The following NSL1 variants were observed in gnomAD, a reference collection of about 807,000 sequenced individuals.
NSL1 encodes NSL1 component of MIS12 kinetochore complex.
A neutral mutation model predicts 25.4 loss-of-function variants in NSL1; 11 were observed. That is an observed-to-expected ratio of 0.43 (90% CI 0.27 to 0.72). The LOEUF is 0.72. Ranked by LOEUF, NSL1 falls within the 30% of genes least tolerant of loss-of-function variation. The pLI is 0.19. For missense variants in NSL1, 330 were observed against 342.7 expected (o/e 0.96, Z 0.29); for synonymous variants, 118 against 120.6 (o/e 0.98, Z 0.14).
intron 1 of NSL1, among the ~76,000 whole-genome samples, chr1:212,791,206 A>G (rs1030499627): frequency 1.3e-5 from 2 of 152,244 alleles, no homozygotes; most frequent in Admixed American, 6.5e-5. Flanking sequence ...ATATTATTAC[A>G]TGTTAAAATA....
intron 4 of NSL1, among the ~76,000 whole-genome samples, chr1:212,778,345 C>T (rs1178643792): frequency 6.6e-6 from 1 of 152,206 alleles, no homozygotes; most frequent in Non-Finnish European, 1.5e-5. Flanking sequence ...GTTATACACA[C>T]TGCCTAGTTT....
intron 4 of NSL1, among the ~76,000 whole-genome samples, chr1:212,751,641 CT>C (rs925291362): frequency 5.3e-5 from 8 of 152,036 alleles, no homozygotes; most frequent in Non-Finnish European, 1.0e-4. Flanking sequence ...TTTATGGTAC[CT>C]TTTTTTCTTT....
rs200591774 is a variant in NSL1 at position 212,791,757 on chromosome 1, C to T, written c.7G>A (p.Gly3Arg). 5.6e-4 allele frequency: 899 copies of T among 1,604,906 alleles called. 1 individual carries two copies. The highest frequency in any genetic ancestry group is 7.1e-4 in the Non-Finnish European group (839 of 1,174,292). Reference sequence around the variant, plus strand: ...TCAAGGACCACCAACTCAGGAGACCCCGCCATTTTTCGTCGGAACTGTGGG... The same window carrying T: ...TCAAGGACCACCAACTCAGGAGACCTCGCCATTTTTCGTCGGAACTGTGGG... MA[G>R]SPELVVLDPP... Residue 3 changes from glycine to arginine, a missense_variant, in exon 1 of 6, where the codon GGG becomes AGG. Coordinates refer to ENST00000366977, the MANE Select transcript of NSL1 (RefSeq NM_015471.4).
Position 212,732,028 on chromosome 1 carries a change from A to T in NSL1, c.*6380T>A, listed in dbSNP as rs1363026227. ...TTAGCCTCCCAGTGTAACTGTCCCA[A>T]TTTTTTTTTTTTTTTTTTACTGAAT... On this transcript the variant is annotated 3_prime_UTR_variant, in exon 6 of 6. Coordinates refer to ENST00000366977, the MANE Select transcript of NSL1 (RefSeq NM_015471.4). 1.4e-5 allele frequency: 13 copies of T among 930,774 alleles called. No individual in the cohort carries two copies. Among genetic ancestry groups the T allele is most frequent in the Admixed American group, 6.6e-5 (1 of 15,126 alleles). 57.7% of individuals were successfully genotyped at this position (930,774 alleles called of 1,614,324 possible).
rs1178210486 is a variant in NSL1 at position 212,734,568 on chromosome 1, G to A, written c.*3840C>T. Among the ~76,000 whole-genome samples the A allele has an allele frequency of 1.3e-5, 2 of 152,128 alleles. No individual in the cohort carries two copies. Among genetic ancestry groups the A allele is most frequent in the Non-Finnish European group, 2.9e-5 (2 of 68,028 alleles). On this transcript the variant is annotated 3_prime_UTR_variant, in exon 6 of 6. Coordinates refer to ENST00000366977, the MANE Select transcript of NSL1 (RefSeq NM_015471.4). ...AGTTAATATCTCCCCTCTCCCCAGA[G>A]GGAACCACCATGGCTTAGTTTTGCC... is the stretch of plus-strand genomic sequence containing the variant.
In NSL1 at chr1:212,730,977, TG is replaced by T; in HGVS notation, c.*7430del. On this transcript the variant is annotated 3_prime_UTR_variant, in exon 6 of 6. Transcript: ENST00000366977. ...TCAACGAATATTAGTTTACAGCCCA[TG>T]GGCAAAGTATGAGCAATGTAGAGAC... 4 of 985,404 alleles carry T rather than the reference TG, an allele frequency of 4.1e-6. No individual in the cohort carries two copies. Among genetic ancestry groups the T allele is most frequent in the Non-Finnish European group, 4.8e-6 (4 of 829,902 alleles). The allele number at this position is 985,404 out of a possible 1,614,324, so 61.0% of individuals were successfully genotyped here. A position where few individuals can be genotyped will look rare whatever the true frequency, so the allele number is the denominator to read the frequency against.
chr1:212,763,518 G>A (rs1012435495), intron 4 of NSL1, among the ~76,000 whole-genome samples: 3 of 152,094 alleles, frequency 2.0e-5, no homozygotes, highest in African/African-American at 7.2e-5. Context: ...AAACCACCAA[G>A]TATCTGCTGT....
rs750275587 is a variant in NSL1 at position 212,791,534 on chromosome 1, T to G, written c.230A>C (p.Gln77Pro). 2 of 1,613,164 alleles carry G rather than the reference T, an allele frequency of 1.2e-6. No homozygotes were observed. The highest frequency in any genetic ancestry group is 1.1e-5 in the South Asian group (1 of 91,036). Reference protein sequence around the residue: ...EIREPALRDAQWTFESAVQEN... With the variant: ...EIREPALRDAPWTFESAVQEN... ...ACTGGCTAACTGGTCCCGTACCCAC[T>G]GCGCATCTCGCAGAGCGGGCTCCCG... Residue 77 changes from glutamine (Q) to proline (P), a missense_variant, in exon 1 of 6, where the codon CAG becomes CCG. By Grantham distance (76) the Gln-to-Pro change is moderately conservative. Coordinates refer to ENST00000366977, the MANE Select transcript of NSL1 (RefSeq NM_015471.4).
In NSL1 at chr1:212,732,061, C is replaced by G; in HGVS notation, c.*6347G>C. ...TTTTTTTTTTTACTGAATTCAGATT[C>G]AGGGTTTTTATTATTATGGCTATAT... On this transcript the variant is annotated 3_prime_UTR_variant, in exon 6 of 6. Transcript: ENST00000366977. 1.1e-5 allele frequency: 10 copies of G among 948,072 alleles called. No individual in the cohort carries two copies. Among genetic ancestry groups the G allele is most frequent in the Non-Finnish European group, 1.2e-5 (10 of 808,358 alleles). 58.7% of individuals were successfully genotyped at this position (948,072 alleles called of 1,614,324 possible).
intron 4 of NSL1, among the ~76,000 whole-genome samples, chr1:212,751,203 C>T (rs1269738984): frequency 3.9e-5 from 6 of 152,038 alleles, no homozygotes; most frequent in Non-Finnish European, 8.8e-5. Context: ...AAGAAGGGTA[C>T]AAGGAAGAAA....
rs1047203748 is a variant in NSL1 at position 212,729,756 on chromosome 1, G to T, written c.*8652C>A. 1 of 985,208 alleles carries T rather than the reference G, an allele frequency of 1.0e-6. No individual in the cohort carries two copies. Among genetic ancestry groups the T allele is most frequent in the African/African-American group, 1.7e-5 (1 of 57,200 alleles). The allele number at this position is 985,208 out of a possible 1,614,324, so 61.0% of individuals were successfully genotyped here. A position where few individuals can be genotyped will look rare whatever the true frequency, so the allele number is the denominator to read the frequency against. ...TTCCTTTTTCCTATCCGCTCTTCTG[G>T]TGGAGATGCTCGGCTATAAAACGGC... On this transcript the variant is annotated 3_prime_UTR_variant, in exon 6 of 6. Transcript: ENST00000366977.
chr1:212,737,181 T>C lies in NSL1; in HGVS notation c.*1227A>G. The stretch of plus-strand genomic sequence containing the variant: ...CATCAAGATCAGTCTTTGTACATTA[T>C]TTCAATGAAAAACACATAGCTGTGT... On this transcript the variant is annotated 3_prime_UTR_variant, in exon 6 of 6. Coordinates refer to ENST00000366977, the MANE Select transcript of NSL1 (RefSeq NM_015471.4). 1.0e-6 allele frequency: 1 copy of C among 985,356 alleles called. No homozygotes were observed. Among genetic ancestry groups the C allele is most frequent in the South Asian group, 4.7e-5 (1 of 21,290 alleles). The allele number at this position is 985,356 out of a possible 1,614,324, so 61.0% of individuals were successfully genotyped here. A position where few individuals can be genotyped will look rare whatever the true frequency, so the allele number is the denominator to read the frequency against.
chr1:212,731,197 A>AC lies in NSL1; in HGVS notation c.*7210_*7211insG. ...ATGGTCAGAGGGGAGAAAAAAAAAA[A>AC]AACCTGAAGAAACCAAAACTAGAAT... On this transcript the variant is annotated 3_prime_UTR_variant, in exon 6 of 6. Transcript: ENST00000366977. 1 of 984,988 alleles carries AC rather than the reference A, an allele frequency of 1.0e-6. No homozygotes were observed. The highest frequency in any genetic ancestry group is 1.2e-6 in the Non-Finnish European group (1 of 829,774). The allele number at this position is 984,988 out of a possible 1,614,324, so 61.0% of individuals were successfully genotyped here.
intron 4 of NSL1, chr1:212,764,167 C>T (rs1221338224): frequency 1.4e-5 from 3 of 219,808 alleles, no homozygotes; most frequent in African/African-American, 2.3e-5. Context: ...AAATAATCTG[C>T]TCTTGTATAA....
At chr1:212,778,849 C>T (rs1471918239) in intron 4 of NSL1, among the ~76,000 whole-genome samples, 3 of 151,982 alleles carry the variant, frequency 2.0e-5, no homozygotes, top group South Asian at 2.1e-4. Context: ...AGCGTCTCTG[C>T]CTGGCCGCCT....
At chr1:212,752,259 T>A (rs10863990) in intron 4 of NSL1, among the ~76,000 whole-genome samples, 2 of 152,048 alleles carry the variant, frequency 1.3e-5, no homozygotes, top group Non-Finnish European at 2.9e-5. Flanking sequence ...ATTTATTTAT[T>A]TATACATTTT....
In NSL1 at chr1:212,784,479, C is replaced by T. The variant is rs752300109; in HGVS notation, c.328G>A (p.Val110Ile). ...DNCFMDSDIK[V>I]LEDQFDEIIV... ...ATTTCATCAAACTGATCTTCAAGTA[C>T]TTTGATGTCAGAATCTATTTGAGAA... The change falls in exon 3 of 6, where the codon GTA becomes ATA. Residue 110 changes from valine (V) to isoleucine (I), a missense_variant. Physicochemically the swap from Val to Ile is conservative, Grantham distance 29. Coordinates refer to ENST00000366977, the MANE Select transcript of NSL1 (RefSeq NM_015471.4). 6 of 1,547,768 alleles carry T rather than the reference C, an allele frequency of 3.9e-6. No homozygotes were observed. The highest frequency in any genetic ancestry group is 5.3e-6 in the Non-Finnish European group (6 of 1,137,462).
chr1:212,779,095 C>T (rs770953048), intron 4 of NSL1, among the ~76,000 whole-genome samples: 147 of 151,214 alleles, frequency 9.7e-4, no homozygotes, highest in Non-Finnish European at 1.6e-3. Flanking sequence ...CCGGCCGCCC[C>T]GTCTGAGAAG....
At chr1:212,769,080 A>T (rs1043130303) in intron 4 of NSL1, among the ~76,000 whole-genome samples, 1 of 115,650 alleles carries the variant, frequency 8.6e-6, no homozygotes, top group African/African-American at 3.1e-5. Flanking sequence ...GAGGAGGAAT[A>T]AAAAAAAAAA....
Sources: gnomAD v4.1 joint callset for allele counts (sites outside exome capture counted in the v4.1 genomes callset) on GRCh38, gnomAD v4.1.1 for gene constraint, MANE v1.5 for transcripts, NCBI Gene and HGNC (gene_info 2026-07-23, HGNC 2026-07-21) for gene names.